The following SNX25 variants were observed in gnomAD, a reference collection of about 807,000 sequenced individuals.
SNX25 encodes sorting nexin 25.
A neutral mutation model predicts 113.7 loss-of-function variants in SNX25; 62 were observed. That is an observed-to-expected ratio of 0.55 (90% CI 0.44 to 0.67). SNX25 has a LOEUF of 0.67. Ranked by LOEUF, SNX25 falls within the 30% of genes least tolerant of loss-of-function variation. The pLI, the probability that SNX25 is intolerant of heterozygous loss-of-function variation, is 0.00. For synonymous variants in SNX25, 421 were observed against 436.2 expected, an observed-to-expected ratio of 0.97 and a Z score of 0.43; for missense variants, 1,014 against 1,161.0, an observed-to-expected ratio of 0.87 and a Z score of 1.84.
At chr4:185,346,703 T>G in intron 13 of SNX25, 53 bp downstream of exon 13, 1 of 1,142,278 alleles carries the variant, frequency 8.8e-7, no homozygotes, top group African/African-American at 1.6e-5. Flanking sequence ...TATTTAGGGT[T>G]AAACTGTCAT....
intron 16 of SNX25, among the ~76,000 whole-genome samples, chr4:185,360,950 T>TATAGATAG (rs1554014179): frequency 4.2e-4 from 60 of 141,636 alleles, no homozygotes; most frequent in South Asian, 8.9e-4. Context: ...TATATATATA[T>TATAGATAG]ATAGAATCTG....
chr4:185,259,138 T>TA, intron 3 of SNX25, 74 bp downstream of exon 3: 1 of 1,324,774 alleles, frequency 7.5e-7, no homozygotes, highest in Non-Finnish European at 1.1e-6. Context: ...AAAGTCAAGA[T>TA]AAAACTCTAG....
chr4:185,256,882 C>T (rs1488701486), intron 2 of SNX25, among the ~76,000 whole-genome samples: 1 of 151,966 alleles, frequency 6.6e-6, no homozygotes, highest in Non-Finnish European at 1.5e-5. Flanking sequence ...CCTCGGCCTC[C>T]CAAAGTTCTG....
At chr4:185,293,211 T>C (rs1752422369) in intron 6 of SNX25, among the ~76,000 whole-genome samples, 1 of 152,130 alleles carries the variant, frequency 6.6e-6, no homozygotes, top group Non-Finnish European at 1.5e-5. Context: ...AAATGGAAAA[T>C]AGAAGACAAT....
chr4:185,378,188 C>CT, the SNX25 span: 2 of 1,613,660 alleles, frequency 1.2e-6, no homozygotes, highest in East Asian at 4.5e-5. Context: ...CAACTTCATC[C>CT]TTTTTCTGCA....
chr4:185,303,381 A>G (rs6837989), intron 6 of SNX25, among the ~76,000 whole-genome samples: 66,776 of 151,962 alleles, frequency 0.44, 14,841 homozygotes, highest in East Asian at 0.56. Context: ...ACGAAGGTGC[A>G]GGGCGTGGTG....
At chr4:185,224,422 T>TATATAAAA (rs1740524334) in intron 1 of SNX25, among the ~76,000 whole-genome samples, 2 of 134,634 alleles carry the variant, frequency 1.5e-5, no homozygotes, top group Non-Finnish European at 3.2e-5. Flanking sequence ...TATATAAAAA[T>TATATAAAA]ATATAAAAAT....
At chr4:185,378,411 C>T in the SNX25 span, 1 of 1,355,292 alleles carries the variant, frequency 7.4e-7, no homozygotes, top group Non-Finnish European at 9.5e-7. Flanking sequence ...CAGCCATTCT[C>T]CATGTCATTT....
intron 9 of SNX25, among the ~76,000 whole-genome samples, chr4:185,325,578 T>C (rs2095151557): frequency 6.6e-6 from 1 of 151,124 alleles, no homozygotes; most frequent in African/African-American, 2.4e-5. Context: ...ACTGATTTGC[T>C]GTATTATATT....
chr4:185,375,987 G>A, the SNX25 span, among the ~76,000 whole-genome samples: 1 of 152,288 alleles, frequency 6.6e-6, no homozygotes, highest in Non-Finnish European at 1.5e-5. Context: ...AAGTGAGAGA[G>A]TAAGTGGGAT....
intron 10 of SNX25, among the ~76,000 whole-genome samples, chr4:185,339,120 G>A (rs76417463): frequency 0.014 from 2,083 of 152,124 alleles, 40 homozygotes; most frequent in Middle Eastern, 0.061. Flanking sequence ...CCAGATATTT[G>A]TCTTCTTTAG....
At chr4:185,290,169 C>T (rs1485037208) in intron 6 of SNX25, among the ~76,000 whole-genome samples, 1 of 152,226 alleles carries the variant, frequency 6.6e-6, no homozygotes, top group South Asian at 2.1e-4. Flanking sequence ...TGCAAAGGCC[C>T]TGTCTCCAAA....
intron 5 of SNX25, among the ~76,000 whole-genome samples, chr4:185,283,421 A>C (rs1324853680): frequency 1.3e-5 from 2 of 152,156 alleles, no homozygotes; most frequent in Admixed American, 1.3e-4. Flanking sequence ...TGTTAAGGAG[A>C]AGGAGAAATA....
chr4:185,226,155 G>A (rs1358140422), intron 1 of SNX25, among the ~76,000 whole-genome samples: 2 of 152,176 alleles, frequency 1.3e-5, no homozygotes, highest in African/African-American at 4.8e-5. Flanking sequence ...AAAATTCACC[G>A]AGTTGGCACA....
chr4:185,290,519 C>T (rs1752005373), intron 6 of SNX25, among the ~76,000 whole-genome samples: 1 of 152,200 alleles, frequency 6.6e-6, no homozygotes, highest in South Asian at 2.1e-4. Flanking sequence ...GCCTCTATGT[C>T]TGCATAGTAT....
intron 5 of SNX25, among the ~76,000 whole-genome samples, chr4:185,283,041 A>G (rs1287298993): frequency 6.6e-6 from 1 of 152,256 alleles, no homozygotes; most frequent in Non-Finnish European, 1.5e-5. Flanking sequence ...ATCCAGTAAC[A>G]GTGAATTAAA....
At chr4:185,256,575 C>A (rs1746451201) in intron 2 of SNX25, among the ~76,000 whole-genome samples, 1 of 151,648 alleles carries the variant, frequency 6.6e-6, no homozygotes, top group African/African-American at 2.4e-5. Context: ...AAATGACTCT[C>A]CCTCTCCCCA....
chr4:185,216,799 C>G (rs3108288), intron 1 of SNX25, among the ~76,000 whole-genome samples: 96,461 of 151,810 alleles, frequency 0.64, 30,844 homozygotes, highest in East Asian at 0.74. Flanking sequence ...GGGATTACAG[C>G]TGTGAGCCAC....
At position 185,294,365 on chromosome 4, in the gene SNX25, G is replaced by T. The variant is rs74664865; in HGVS notation, c.1162+6283G>T. Reference sequence around the variant, plus strand: ...TGCTGCTAGCTTCCTGATGGAATCCGCACAAGTCATTTTATTTCTCTAGGA... The same window carrying T: ...TGCTGCTAGCTTCCTGATGGAATCCTCACAAGTCATTTTATTTCTCTAGGA... On this transcript the variant is annotated intron_variant, in intron 6 of 18. Coordinates refer to ENST00000652585, the MANE Select transcript of SNX25 (RefSeq NM_001378034.2). Among the ~76,000 whole-genome samples, 1,387 of 152,172 alleles carry T rather than the reference G, an allele frequency of 9.1e-3. 19 individuals carry two copies. Among genetic ancestry groups the T allele is most frequent in the African/African-American group, 0.032 (1,319 of 41,510 alleles).
Sources: gnomAD v4.1 joint callset for allele counts (sites outside exome capture counted in the v4.1 genomes callset) on GRCh38, gnomAD v4.1.1 for gene constraint, MANE v1.5 for transcripts, NCBI Gene and HGNC (gene_info 2026-07-23, HGNC 2026-07-21) for gene names.